The following DNAH14 variants were observed in gnomAD, a reference collection of about 807,000 sequenced individuals.
DNAH14 encodes the protein axonemal beta dynein heavy chain 14.
DNAH14 carries 478 observed loss-of-function variants against 520.9 expected under a neutral mutation model. That is an observed-to-expected ratio of 0.92 (90% confidence interval 0.85 to 0.99). The LOEUF is 0.99. Among genes scored for constraint, DNAH14 ranks in the 50% least tolerant of loss-of-function variants. The probability of loss-of-function intolerance (pLI) is 0.00; values close to 1 mark genes in which losing one functional copy is unlikely to be tolerated. For synonymous variants in DNAH14, 1,581 were observed against 1,757.2 expected, an observed-to-expected ratio of 0.90 and a Z score of 2.51; for missense variants, 4,831 against 5,234.5, an observed-to-expected ratio of 0.92 and a Z score of 2.38.
chr1:225,398,065 A>AAC (rs1225916566), intron 84 of DNAH14: 1 of 150,898 alleles, frequency 6.6e-6, no homozygotes, highest in African/African-American at 2.4e-5. Context: ...AAAAAAAAAA[A>AAC]AAAACCCCTC....
At chr1:225,003,021 T>G in intron 9 of DNAH14, 94 bp downstream of exon 9, 8 of 1,142,378 alleles carry the variant, frequency 7.0e-6, no homozygotes, top group Non-Finnish European at 9.4e-6. Flanking sequence ...ATTTCTAAAT[T>G]CATAAATAAA....
chr1:225,158,467 CTAA>C (rs1442350096), intron 34 of DNAH14, among the ~76,000 whole-genome samples: 2 of 152,158 alleles, frequency 1.3e-5, no homozygotes, highest in African/African-American at 4.8e-5. Context: ...AGGACACCTT[CTAA>C]TAATAACTGG....
intron 22 of DNAH14, among the ~76,000 whole-genome samples, chr1:225,098,717 A>G (rs1342358822): frequency 6.6e-6 from 1 of 152,208 alleles, no homozygotes; most frequent in Admixed American, 6.5e-5. Context: ...CCTAAGGTGT[A>G]TGTCCTTATG....
intron 11 of DNAH14, among the ~76,000 whole-genome samples, chr1:225,032,171 A>T (rs894330311): frequency 6.6e-6 from 1 of 151,954 alleles, no homozygotes; most frequent in African/African-American, 2.4e-5. Context: ...ATATTATTAC[A>T]TTACCCAAGT....
intron 23 of DNAH14, among the ~76,000 whole-genome samples, chr1:225,108,330 C>G (rs1448606724): frequency 2.0e-5 from 3 of 152,170 alleles, no homozygotes; most frequent in Non-Finnish European, 2.9e-5. Flanking sequence ...CTCTAACTGG[C>G]TTCCTTGCTC....
chr1:225,376,270 T>C (rs2095699526), intron 78 of DNAH14, among the ~76,000 whole-genome samples: 1 of 151,886 alleles, frequency 6.6e-6, no homozygotes. Flanking sequence ...GTACTAAGAA[T>C]ACAAAAATTA....
intron 54 of DNAH14, among the ~76,000 whole-genome samples, chr1:225,283,502 A>G (rs899842472): frequency 2.6e-5 from 4 of 152,152 alleles, no homozygotes; most frequent in African/African-American, 9.7e-5. Context: ...ATAAACATAT[A>G]CACACCTAAA....
intron 66 of DNAH14, among the ~76,000 whole-genome samples, chr1:225,336,302 G>A (rs2095052706): frequency 6.6e-6 from 1 of 151,784 alleles, no homozygotes; most frequent in Non-Finnish European, 1.5e-5. Context: ...TCAGAAATGG[G>A]AGAGAATTTA....
At chr1:225,104,956 T>C (rs2075886586) in intron 23 of DNAH14, among the ~76,000 whole-genome samples, 1 of 152,222 alleles carries the variant, frequency 6.6e-6, no homozygotes, top group Admixed American at 6.5e-5. Context: ...CTTGCTTCTC[T>C]AGTTCTTTTA....
intron 17 of DNAH14, among the ~76,000 whole-genome samples, chr1:225,060,488 T>C (rs562662691): frequency 6.6e-6 from 1 of 152,348 alleles, no homozygotes; most frequent in South Asian, 2.1e-4. Context: ...AGTAGTTTGA[T>C]CGTCTGAAGC....
chr1:225,212,679 T>A (rs1366161707), intron 41 of DNAH14, among the ~76,000 whole-genome samples: 1 of 152,238 alleles, frequency 6.6e-6, no homozygotes, highest in Non-Finnish European at 1.5e-5. Context: ...TTTTTTCATG[T>A]GTTTTTTGGC....
At chr1:225,190,733 C>T (rs1331217267) in intron 37 of DNAH14, among the ~76,000 whole-genome samples, 1 of 152,010 alleles carries the variant, frequency 6.6e-6, no homozygotes, top group African/African-American at 2.4e-5. Flanking sequence ...CATGAAGACA[C>T]AGTGAGAAGG....
At chr1:225,215,081 G>A (rs1212776143) in intron 41 of DNAH14, among the ~76,000 whole-genome samples, 1 of 152,180 alleles carries the variant, frequency 6.6e-6, no homozygotes, top group Non-Finnish European at 1.5e-5. Context: ...TGCTTTAAAT[G>A]TGTTCCAGAG....
At chr1:225,328,379 A>AT (rs1233613230) in intron 64 of DNAH14, among the ~76,000 whole-genome samples, 4 of 152,164 alleles carry the variant, frequency 2.6e-5, no homozygotes, top group Non-Finnish European at 4.4e-5. Context: ...CCAGAGCCAC[A>AT]TTACCTTCCA....
intron 27 of DNAH14, among the ~76,000 whole-genome samples, chr1:225,137,809 A>T (rs2079084864): frequency 6.6e-6 from 1 of 152,182 alleles, no homozygotes; most frequent in Non-Finnish European, 1.5e-5. Context: ...GGCGTGTTTC[A>T]CTAGGGGGTG....
chr1:225,035,989 T>C lies in DNAH14; in HGVS notation c.1359-2705T>C, dbSNP rs138279358. Among the ~76,000 whole-genome samples the C allele has an allele frequency of 2.6e-3, 391 of 152,136 alleles. 4 individuals are homozygous for C. The highest frequency in any genetic ancestry group is 0.022 in the East Asian group (113 of 5,176). On this transcript the variant is annotated intron_variant, in intron 11 of 85. Transcript: ENST00000682510. ...TCTTTCCCTTTAGATCTAATAATTG[T>C]AAGAATTAAAGAAAGAGGAAAGAAA...
chr1:225,381,001 A>AT (rs1000094708), intron 80 of DNAH14, among the ~76,000 whole-genome samples: 6 of 152,154 alleles, frequency 3.9e-5, no homozygotes, highest in African/African-American at 1.4e-4. Context: ...TGGCTTTTGC[A>AT]TTTTTTAATG....
intron 10 of DNAH14, among the ~76,000 whole-genome samples, chr1:225,012,629 T>A (rs1196014598): frequency 2.0e-5 from 3 of 152,226 alleles, no homozygotes; most frequent in South Asian, 4.1e-4. Flanking sequence ...TTTCACATAG[T>A]CTCATATTTC....
At chr1:225,220,289 T>C (rs1471524536) in intron 41 of DNAH14, among the ~76,000 whole-genome samples, 1 of 152,170 alleles carries the variant, frequency 6.6e-6, no homozygotes, top group Non-Finnish European at 1.5e-5. Context: ...ATCAACATAG[T>C]ATTGGAAGTT....
Sources: allele counts gnomAD v4.1 joint callset (sites outside exome capture counted in the v4.1 genomes callset), GRCh38; gene constraint gnomAD v4.1.1; transcripts MANE v1.5; gene names NCBI Gene and HGNC (gene_info 2026-07-23, HGNC 2026-07-21).